Variants in RCL1 observed in about 807,000 individuals in gnomAD.
The protein encoded by RCL1 is RNA terminal phosphate cyclase like 1, also known as RNA 3'-terminal phosphate cyclase-like protein.
A neutral mutation model predicts 42.4 loss-of-function variants in RCL1; 24 were observed. The ratio of observed to expected loss-of-function variants is 0.57; its 90% CI spans 0.41 to 0.80. The LOEUF is 0.80. RCL1 is among the 30% of genes least tolerant of loss of function. The pLI is 0.00. For synonymous variants in RCL1, 228 were observed against 177.3 expected (o/e 1.29, Z -2.27); for missense variants, 578 against 467.9 (o/e 1.24, Z -2.17).
chr9:4,825,846 G>C (rs952379917), intron 2 of RCL1, among the ~76,000 whole-genome samples: 2 of 151,926 alleles, frequency 1.3e-5, no homozygotes, highest in African/African-American at 4.8e-5. Context: ...GGCACAAGGT[G>C]GTTCATGTCT....
chr9:4,821,100 G>A (rs1057444552), intron 1 of RCL1, among the ~76,000 whole-genome samples: 6 of 152,154 alleles, frequency 3.9e-5, no homozygotes, highest in African/African-American at 1.4e-4. Flanking sequence ...CTGAACAGAG[G>A]CAAACTAGTG....
At chr9:4,797,437 A>G (rs1001594239) in intron 1 of RCL1, among the ~76,000 whole-genome samples, 14 of 152,118 alleles carry the variant, frequency 9.2e-5, no homozygotes, top group African/African-American at 2.9e-4. Flanking sequence ...ACGTATTTCT[A>G]TGTTATATGT....
chr9:4,815,469 A>G (rs1217096062), intron 1 of RCL1, among the ~76,000 whole-genome samples: 2 of 149,424 alleles, frequency 1.3e-5, no homozygotes, highest in South Asian at 4.2e-4. Context: ...TTTTTTTGCA[A>G]CTGCAAATTT....
At chr9:4,847,439 G>A (rs1381325870) in intron 7 of RCL1, among the ~76,000 whole-genome samples, 2 of 152,122 alleles carry the variant, frequency 1.3e-5, no homozygotes, top group African/African-American at 2.4e-5. Flanking sequence ...AATCCCCCCT[G>A]TTCCATTTAT....
At chr9:4,850,876 T>C (rs11999452) in intron 8 of RCL1, among the ~76,000 whole-genome samples, 50,212 of 151,870 alleles carry the variant, frequency 0.33, 8,603 homozygotes, top group South Asian at 0.45. Context: ...AGCTGCCGTT[T>C]CCCAGCCCTT....
At chr9:4,837,593 G>A (rs1450497700) in intron 5 of RCL1, among the ~76,000 whole-genome samples, 1 of 152,150 alleles carries the variant, frequency 6.6e-6, no homozygotes, top group African/African-American at 2.4e-5. Flanking sequence ...ATAACAACAT[G>A]GGTTTCATCA....
At chr9:4,850,262 G>C (rs1193828644) in intron 8 of RCL1, 1 of 527,640 alleles carries the variant, frequency 1.9e-6, no homozygotes, top group South Asian at 1.4e-5. Context: ...TGGTGAGCTG[G>C]GTGGCAGGGA....
chr9:4,817,392 C>G lies in RCL1; in HGVS notation c.137-6156C>G, dbSNP rs569314050. Among the ~76,000 whole-genome samples, 273 of 150,346 alleles carry G rather than the reference C, an allele frequency of 1.8e-3. 1 individual carries two copies. The highest frequency in any genetic ancestry group is 6.4e-3 in the African/African-American group (264 of 41,000). Reference sequence around the variant, plus strand: ...TATTTTTTATTTTATTGAGTCCTATCTTATTTCCTTTTACAAATAAGTAAA... The same window carrying G: ...TATTTTTTATTTTATTGAGTCCTATGTTATTTCCTTTTACAAATAAGTAAA... On this transcript the variant is annotated intron_variant, in intron 1 of 8. Transcript: ENST00000381750.
rs1269838487 is a variant in RCL1 at position 4,846,563 on chromosome 9, T to C, written c.867+1882T>C. 1.6e-4 allele frequency among the ~76,000 whole-genome samples: 21 copies of C among 131,664 alleles called. No individual in the cohort carries two copies. The Admixed American group carries it at 1.6e-3, about 10-fold the overall frequency. The allele number at this position is 131,664 out of a possible 152,430, so 86.4% of individuals were successfully genotyped here. ...ATTCACGAAGTTTGTGGTCTACTTATTTGTAGGGGGGCGGGAAACAGTGCA... is the reference window on the plus strand; with the variant it reads ...ATTCACGAAGTTTGTGGTCTACTTACTTGTAGGGGGGCGGGAAACAGTGCA... On this transcript the variant is annotated intron_variant, in intron 7 of 8. Coordinates refer to ENST00000381750, the MANE Select transcript of RCL1 (RefSeq NM_005772.5).
intron 8 of RCL1, among the ~76,000 whole-genome samples, chr9:4,854,204 A>G (rs1587736409): frequency 6.6e-6 from 1 of 151,980 alleles, no homozygotes; most frequent in African/African-American, 2.4e-5. Context: ...TGGGCCTGGG[A>G]CCCCATCTCC....
intron 8 of RCL1, among the ~76,000 whole-genome samples, chr9:4,857,059 T>TA (rs1459039603): frequency 1.3e-5 from 2 of 152,236 alleles, no homozygotes; most frequent in African/African-American, 4.8e-5. Flanking sequence ...GCATGGCAAA[T>TA]ATGTATTGAT....
chr9:4,853,865 G>C (rs1214048443), intron 8 of RCL1, among the ~76,000 whole-genome samples: 1 of 151,916 alleles, frequency 6.6e-6, no homozygotes, highest in Non-Finnish European at 1.5e-5. Flanking sequence ...AGAGGACACT[G>C]TCCTTGTTAA....
chr9:4,799,933 G>A (rs1418297134), intron 1 of RCL1, among the ~76,000 whole-genome samples: 1 of 152,202 alleles, frequency 6.6e-6, no homozygotes, highest in Non-Finnish European at 1.5e-5. Context: ...TGATATGGCA[G>A]ACGTTCATAT....
intron 3 of RCL1, among the ~76,000 whole-genome samples, chr9:4,829,754 G>A (rs1816888876): frequency 6.6e-6 from 1 of 152,278 alleles, no homozygotes; most frequent in African/African-American, 2.4e-5. Context: ...CATCTGAATT[G>A]GTTGTTCATG....
chr9:4,807,447 C>A (rs1291317301), intron 1 of RCL1, among the ~76,000 whole-genome samples: 3 of 152,134 alleles, frequency 2.0e-5, no homozygotes, highest in African/African-American at 4.8e-5. Flanking sequence ...TGGTATATTT[C>A]ATTTTAGTTT....
intron 8 of RCL1, among the ~76,000 whole-genome samples, chr9:4,853,538 A>G (rs1817830416): frequency 6.6e-6 from 1 of 151,662 alleles, no homozygotes; most frequent in Admixed American, 6.6e-5. Flanking sequence ...AGCCAGGATG[A>G]TCTCGATCTC....
chr9:4,857,185 C>A (rs935296457), intron 8 of RCL1, among the ~76,000 whole-genome samples: 2 of 152,132 alleles, frequency 1.3e-5, no homozygotes, highest in East Asian at 3.8e-4. Context: ...TAACCACAGC[C>A]ACAATCTAAT....
intron 1 of RCL1, among the ~76,000 whole-genome samples, chr9:4,810,135 G>A (rs541408418): frequency 2.6e-4 from 40 of 152,204 alleles, no homozygotes; most frequent in African/African-American, 7.7e-4. Flanking sequence ...GCCAGTTTTC[G>A]TATTTTTAAA....
intron 3 of RCL1, among the ~76,000 whole-genome samples, chr9:4,830,067 G>A (rs1180651921): frequency 6.6e-6 from 1 of 152,240 alleles, no homozygotes; most frequent in Non-Finnish European, 1.5e-5. Context: ...GGAGATAGAA[G>A]TATTTGGAGA....
Sources: gnomAD v4.1 joint callset for allele counts (sites outside exome capture counted in the v4.1 genomes callset) on GRCh38, gnomAD v4.1.1 for gene constraint, MANE v1.5 for transcripts, NCBI Gene and HGNC (gene_info 2026-07-23, HGNC 2026-07-21) for gene names.